Variants in SUGCT observed in about 807,000 individuals in gnomAD.
SUGCT encodes succinyl-CoA:glutarate-CoA transferase.
SUGCT carries 41 observed loss-of-function variants against 55.0 expected under a neutral mutation model. The ratio of observed to expected loss-of-function variants is 0.74; its 90% CI spans 0.58 to 0.97. The LOEUF is 0.97. Among genes scored for constraint, SUGCT ranks in the 50% least tolerant of loss-of-function variants. SUGCT has a pLI of 0.00. For missense variants in SUGCT, 568 were observed against 547.8 expected, an observed-to-expected ratio of 1.04 and a Z score of -0.37; for synonymous variants, 187 against 200.4, an observed-to-expected ratio of 0.93 and a Z score of 0.56.
intron 11 of SUGCT, among the ~76,000 whole-genome samples, chr7:40,492,804 T>G (rs1791762247): frequency 1.3e-5 from 2 of 152,212 alleles, no homozygotes; most frequent in African/African-American, 4.8e-5. Flanking sequence ...AAGTTGTTTC[T>G]TCGTAACTTT....
chr7:40,998,582 ATTG>A, the SUGCT span, among the ~76,000 whole-genome samples: 1 of 152,284 alleles, frequency 6.6e-6, no homozygotes, highest in East Asian at 1.9e-4. Flanking sequence ...GTGCTGGCTT[ATTG>A]TTACATCAAC....
intron 1 of SUGCT, among the ~76,000 whole-genome samples, chr7:40,139,933 G>C (rs1207117919): frequency 6.6e-6 from 1 of 150,580 alleles, no homozygotes. Flanking sequence ...ATGGAGTTTC[G>C]CTTTTGTTGT....
intron 9 of SUGCT, among the ~76,000 whole-genome samples, chr7:40,353,615 C>T (rs890305773): frequency 6.6e-6 from 1 of 152,018 alleles, no homozygotes; most frequent in African/African-American, 2.4e-5. Flanking sequence ...TGCTTTACAT[C>T]TCATTTTAGG....
intron 5 of SUGCT, among the ~76,000 whole-genome samples, chr7:40,190,471 A>G (rs1430656681): frequency 6.6e-6 from 1 of 151,650 alleles, no homozygotes; most frequent in East Asian, 1.9e-4. Flanking sequence ...GCTGGTTCGA[A>G]CTCCTTACTT....
At chr7:40,841,284 A>G (rs932880190) in intron 13 of SUGCT, among the ~76,000 whole-genome samples, 3 of 152,112 alleles carry the variant, frequency 2.0e-5, no homozygotes, top group African/African-American at 7.2e-5. Flanking sequence ...TTTATAAATC[A>G]TTATCTGAGA....
the SUGCT span, among the ~76,000 whole-genome samples, chr7:40,905,892 A>AT: frequency 1.3e-5 from 2 of 151,682 alleles, no homozygotes; most frequent in African/African-American, 2.4e-5. Flanking sequence ...TAATTTTTAA[A>AT]TTTTTTGTAG....
chr7:40,739,845 G>A (rs1001636190), intron 12 of SUGCT, among the ~76,000 whole-genome samples: 1 of 152,110 alleles, frequency 6.6e-6, no homozygotes, highest in African/African-American at 2.4e-5. Flanking sequence ...ATATCAGATA[G>A]AGTAATTATC....
At chr7:41,022,904 G>T in the SUGCT span, among the ~76,000 whole-genome samples, 1 of 152,114 alleles carries the variant, frequency 6.6e-6, no homozygotes, top group Non-Finnish European at 1.5e-5. Context: ...AATTAATATA[G>T]CTTCTCAGAT....
the SUGCT span, among the ~76,000 whole-genome samples, chr7:41,016,497 A>G: frequency 2.6e-5 from 4 of 152,114 alleles, no homozygotes; most frequent in Non-Finnish European, 5.9e-5. Context: ...TTTAAACTCA[A>G]ATTTGCTACC....
intron 7 of SUGCT, among the ~76,000 whole-genome samples, chr7:40,271,397 G>A (rs1792004407): frequency 6.6e-6 from 1 of 152,022 alleles, no homozygotes; most frequent in South Asian, 2.1e-4. Flanking sequence ...CCAAAGTGTG[G>A]GATTATAGGA....
At chr7:40,828,310 G>C (rs1792454335) in intron 13 of SUGCT, among the ~76,000 whole-genome samples, 1 of 152,192 alleles carries the variant, frequency 6.6e-6, no homozygotes, top group African/African-American at 2.4e-5. Context: ...GCATGTTCCA[G>C]TTGGGGGCTA....
At chr7:40,306,366 T>A (rs927114697) in intron 8 of SUGCT, among the ~76,000 whole-genome samples, 1 of 152,206 alleles carries the variant, frequency 6.6e-6, no homozygotes, top group Non-Finnish European at 1.5e-5. Flanking sequence ...CTTGATTTTT[T>A]AAAAATGTCT....
chr7:40,929,456 G>T, the SUGCT span, among the ~76,000 whole-genome samples: 2 of 152,138 alleles, frequency 1.3e-5, no homozygotes, highest in African/African-American at 4.8e-5. Flanking sequence ...GGATCGCTGG[G>T]TCAAATGGTA....
chr7:40,293,947 C>CT (rs1191250011), intron 8 of SUGCT, among the ~76,000 whole-genome samples: 132 of 148,084 alleles, frequency 8.9e-4, no homozygotes, highest in African/African-American at 2.5e-3. Flanking sequence ...TTAGAAAGAG[C>CT]TTTTTTTTTT....
chr7:40,798,910 C>T (rs1039578665), intron 13 of SUGCT, among the ~76,000 whole-genome samples: 5 of 152,114 alleles, frequency 3.3e-5, no homozygotes, highest in African/African-American at 9.7e-5. Flanking sequence ...GTGTTAGGTT[C>T]ACAAATGCAT....
the SUGCT span, among the ~76,000 whole-genome samples, chr7:40,960,325 G>A: frequency 6.6e-6 from 1 of 152,176 alleles, no homozygotes; most frequent in Non-Finnish European, 1.5e-5. Flanking sequence ...TTTGGAAGTT[G>A]TGACTTCCAA....
chr7:40,195,013 A>G lies in SUGCT; in HGVS notation c.437A>G (p.Glu146Gly). ...GKLSAMGLGYEDIDEIAPHII... is the reference protein window; with the variant it reads ...GKLSAMGLGYGDIDEIAPHII... Reference sequence around the variant, plus strand: ...CTGTCTGCAATGGGCCTGGGATATGAAGATATAGACGAGATTGCTCCTCAC... The same window carrying G: ...CTGTCTGCAATGGGCCTGGGATATGGAGATATAGACGAGATTGCTCCTCAC... The change falls in exon 6 of 14, where the codon GAA becomes GGA. Residue 146 changes from glutamate (E) to glycine (G), a missense_variant. Coordinates refer to ENST00000335693, the MANE Select transcript of SUGCT (RefSeq NM_001193313.2). The G allele has an allele frequency of 6.2e-7, 1 of 1,613,880 alleles. No individual in the cohort carries two copies. The highest frequency in any genetic ancestry group is 8.5e-7 in the Non-Finnish European group (1 of 1,179,832).
intron 6 of SUGCT, among the ~76,000 whole-genome samples, chr7:40,228,563 A>T (rs982998533): frequency 3.3e-5 from 5 of 151,968 alleles, no homozygotes; most frequent in African/African-American, 1.2e-4. Context: ...GGTGGTGTGC[A>T]GTTCCACTAA....
chr7:40,306,699 CA>C (rs1479704095), intron 8 of SUGCT, among the ~76,000 whole-genome samples: 1 of 152,154 alleles, frequency 6.6e-6, no homozygotes, highest in Non-Finnish European at 1.5e-5. Context: ...GACTTGCTAT[CA>C]CAGGAATAAA....
Sources: gnomAD v4.1 joint callset for allele counts (sites outside exome capture counted in the v4.1 genomes callset) on GRCh38, gnomAD v4.1.1 for gene constraint, MANE v1.5 for transcripts, NCBI Gene and HGNC (gene_info 2026-07-23, HGNC 2026-07-21) for gene names.